The following SVOPL variants were observed in gnomAD, a reference collection of about 807,000 sequenced individuals.
The protein encoded by SVOPL is SVOP like.
In SVOPL, 60 loss-of-function variants were observed where a neutral mutation model predicts 61.0. That is an observed-to-expected ratio of 0.98 (90% CI 0.80 to 1.22). The LOEUF (loss-of-function observed/expected upper bound fraction) is 1.22, where lower values mean the gene tolerates loss of function less well. SVOPL is among the 50% of genes most tolerant of loss of function. The pLI, the probability that SVOPL is intolerant of heterozygous loss-of-function variation, is 0.00. For missense variants in SVOPL, 662 were observed against 643.9 expected (o/e 1.03, Z -0.30); for synonymous variants, 279 against 250.0 (o/e 1.12, Z -1.09).
intron 3 of SVOPL, among the ~76,000 whole-genome samples, chr7:138,678,014 C>A (rs976206431): frequency 2.0e-5 from 3 of 152,164 alleles, no homozygotes; most frequent in Non-Finnish European, 2.9e-5. Context: ...GATCCACCAG[C>A]CTCAGCCTCC....
chr7:138,618,116 A>C (rs1211117981), intron 14 of SVOPL, among the ~76,000 whole-genome samples: 2 of 152,206 alleles, frequency 1.3e-5, no homozygotes, highest in East Asian at 3.8e-4. Flanking sequence ...AAACCTGTTA[A>C]GGAAAGCAGA....
chr7:138,694,510 T>C (rs1289645244), intron 1 of SVOPL, among the ~76,000 whole-genome samples: 2 of 151,998 alleles, frequency 1.3e-5, no homozygotes, highest in East Asian at 3.9e-4. Flanking sequence ...CCTCCCAAAG[T>C]GCTGGGATTA....
chr7:138,681,810 G>A (rs767944554), intron 1 of SVOPL, among the ~76,000 whole-genome samples: 21 of 152,090 alleles, frequency 1.4e-4, no homozygotes, highest in Non-Finnish European at 2.9e-4. Context: ...GTGACAGAGT[G>A]AGACTCCATC....
rs374209762 is a variant in SVOPL at position 138,623,705 on chromosome 7, C to T, written c.1263+2264G>A. ...CATCCCAAATGCAGTTCTAGAAGTACACCATGTTACGCATAGATTTTTTTG... is the reference window on the plus strand; with the variant it reads ...CATCCCAAATGCAGTTCTAGAAGTATACCATGTTACGCATAGATTTTTTTG... On this transcript the variant is annotated intron_variant, in intron 13 of 15. Transcript: ENST00000674285. Among the ~76,000 whole-genome samples, 9 of 152,302 alleles carry T rather than the reference C, an allele frequency of 5.9e-5. No homozygotes were observed. The South Asian group carries it at 1.9e-3, about 32-fold the overall frequency.
Position 138,659,491 on chromosome 7 carries a change from C to T in SVOPL, c.470+373G>A, listed in dbSNP as rs577868976. ...TGAGCAACAGAGCCAGACTCTATCT[C>T]GAAAAAAAAAAAAAAAATTAATATG... On this transcript the variant is annotated intron_variant, in intron 6 of 15. Coordinates refer to ENST00000674285, the MANE Select transcript of SVOPL (RefSeq NM_001139456.2). Among the ~76,000 whole-genome samples the T allele has an allele frequency of 5.9e-4, 61 of 104,018 alleles. 1 individual carries two copies. Among genetic ancestry groups the T allele is most frequent in the Admixed American group, 8.4e-4 (9 of 10,692 alleles). The allele number at this position is 104,018 out of a possible 152,430, so 68.2% of individuals were successfully genotyped here.
chr7:138,649,050 C>T lies in SVOPL; in HGVS notation c.622G>A (p.Ala208Thr), dbSNP rs1256191551. ...ATGAGGATGATGCCCGGGATGGAGG[C>T]GACGCGAATGAGCCAGCGCCACCCG... ...TIGWRWLIRVASIPGIILIVA... is the reference protein window; with the variant it reads ...TIGWRWLIRVTSIPGIILIVA... The change falls in exon 8 of 16, where the codon GCC (alanine) becomes ACC (threonine). Residue 208 changes from alanine (A) to threonine (T), a missense_variant. Transcript: ENST00000674285. 1.9e-6 allele frequency: 3 copies of T among 1,613,494 alleles called. No homozygotes were observed. Among genetic ancestry groups the T allele is most frequent in the African/African-American group, 1.3e-5 (1 of 74,770 alleles).
chr7:138,632,562 G>A (rs560012094), intron 9 of SVOPL, among the ~76,000 whole-genome samples: 110 of 152,220 alleles, frequency 7.2e-4, no homozygotes, highest in Non-Finnish European at 1.4e-3. Flanking sequence ...GATGAAGAGG[G>A]AAGGTGAAGA....
intron 7 of SVOPL, among the ~76,000 whole-genome samples, chr7:138,652,974 G>C (rs1417034962): frequency 1.3e-5 from 2 of 152,150 alleles, no homozygotes; most frequent in African/African-American, 4.8e-5. Flanking sequence ...GAACAAAAGT[G>C]GTAAGAAAGT....
At chr7:138,681,114 A>T (rs1802691574) in intron 1 of SVOPL, among the ~76,000 whole-genome samples, 2 of 149,328 alleles carry the variant, frequency 1.3e-5, no homozygotes, top group Admixed American at 1.3e-4. Context: ...TTAGCTACGT[A>T]AAAAATTTAT....
At chr7:138,670,758 G>A (rs560691523) in intron 4 of SVOPL, among the ~76,000 whole-genome samples, 8 of 152,064 alleles carry the variant, frequency 5.3e-5, no homozygotes, top group East Asian at 3.9e-4. Flanking sequence ...CTCTATTGGG[G>A]CACTAGGAAA....
chr7:138,610,876 G>A (rs115959548), intron 14 of SVOPL, among the ~76,000 whole-genome samples: 50 of 152,272 alleles, frequency 3.3e-4, no homozygotes, highest in African/African-American at 1.0e-3. Flanking sequence ...TTTAAAGAGC[G>A]CCACTTAGCA....
chr7:138,597,869 A>G (rs1447637465), intron 14 of SVOPL, among the ~76,000 whole-genome samples: 1 of 152,036 alleles, frequency 6.6e-6, no homozygotes, highest in Non-Finnish European at 1.5e-5. Flanking sequence ...CATCCTTTAC[A>G]CCACATTTAA....
intron 9 of SVOPL, among the ~76,000 whole-genome samples, chr7:138,636,581 G>A (rs755171451): frequency 1.3e-5 from 2 of 149,942 alleles, no homozygotes; most frequent in Admixed American, 6.7e-5. Flanking sequence ...AGTGATTCTC[G>A]TGCCTCGGCC....
intron 4 of SVOPL, among the ~76,000 whole-genome samples, chr7:138,671,538 G>C (rs1802417018): frequency 6.6e-6 from 1 of 152,074 alleles, no homozygotes; most frequent in South Asian, 2.1e-4. Flanking sequence ...AGTAGAGACG[G>C]GGTTTCACCA....
intron 9 of SVOPL, among the ~76,000 whole-genome samples, chr7:138,643,455 T>G (rs1800938023): frequency 6.7e-6 from 1 of 148,890 alleles, no homozygotes; most frequent in South Asian, 2.1e-4. Flanking sequence ...AAGTGAGGCC[T>G]TGAAGAGCTA....
chr7:138,612,827 T>G (rs906535138), intron 14 of SVOPL, among the ~76,000 whole-genome samples: 1 of 151,600 alleles, frequency 6.6e-6, no homozygotes, highest in African/African-American at 2.4e-5. Context: ...AAATGTAAAT[T>G]TTTTACGCAG....
intron 1 of SVOPL, among the ~76,000 whole-genome samples, chr7:138,693,873 A>C (rs1287422868): frequency 6.6e-6 from 1 of 152,200 alleles, no homozygotes; most frequent in African/African-American, 2.4e-5. Flanking sequence ...TATGAAACTT[A>C]CATGTTTAAT....
intron 9 of SVOPL, among the ~76,000 whole-genome samples, chr7:138,633,957 G>T (rs1800342392): frequency 6.6e-6 from 1 of 152,172 alleles, no homozygotes; most frequent in Admixed American, 6.5e-5. Flanking sequence ...GGTGGCTACA[G>T]GATCCCAAGA....
In SVOPL at chr7:138,622,270, GTATCTATC is replaced by G. The variant is rs1224085695; in HGVS notation, c.1264-1143_1264-1136del. Among the ~76,000 whole-genome samples, 199 of 83,734 alleles carry G rather than the reference GTATCTATC, an allele frequency of 2.4e-3. 3 individuals are homozygous for G. Among genetic ancestry groups the G allele is most frequent in the South Asian group, 7.7e-3 (18 of 2,332 alleles). The allele number at this position is 83,734 out of a possible 152,430, so 54.9% of individuals were successfully genotyped here. A position where few individuals can be genotyped will look rare whatever the true frequency, so the allele number is the denominator to read the frequency against. ...TCTATCTATGTATCTATCTATCTAT[GTATCTATC>G]TATCTATCTATCTATCTATCTATCT... On this transcript the variant is annotated intron_variant, in intron 13 of 15. Transcript: ENST00000674285.
Sources: gnomAD v4.1 joint callset for allele counts (sites outside exome capture counted in the v4.1 genomes callset) on GRCh38, gnomAD v4.1.1 for gene constraint, MANE v1.5 for transcripts, NCBI Gene and HGNC (gene_info 2026-07-23, HGNC 2026-07-21) for gene names.